The following KCNQ3 variants were observed in gnomAD, a reference collection of about 807,000 sequenced individuals.
KCNQ3 encodes the protein potassium voltage-gated channel subfamily KQT member 3.
In KCNQ3, 30 loss-of-function variants were observed where a neutral mutation model predicts 92.5. The observed-to-expected ratio is 0.32, with a 90% CI of 0.24 to 0.44. The LOEUF (loss-of-function observed/expected upper bound fraction) is 0.44. Ranked by LOEUF, KCNQ3 falls within the 20% of genes least tolerant of loss-of-function variation. The pLI is 1.00. For synonymous variants in KCNQ3, 450 were observed against 468.8 expected, an observed-to-expected ratio of 0.96 and a Z score of 0.52; for missense variants, 913 against 1,140.3, an observed-to-expected ratio of 0.80 and a Z score of 2.87.
intron 1 of KCNQ3, among the ~76,000 whole-genome samples, chr8:132,286,262 C>T (rs1450371947): frequency 6.6e-6 from 1 of 152,202 alleles, no homozygotes; most frequent in Non-Finnish European, 1.5e-5. Flanking sequence ...ACAGCAGCCA[C>T]GTGGACTGCA....
chr8:132,237,008 C>T (rs919508238), intron 1 of KCNQ3, among the ~76,000 whole-genome samples: 3 of 152,044 alleles, frequency 2.0e-5, no homozygotes, highest in Admixed American at 6.6e-5. Flanking sequence ...AAGAGGATGC[C>T]GAGATTGAGG....
intron 1 of KCNQ3, among the ~76,000 whole-genome samples, chr8:132,357,599 C>T (rs1239134106): frequency 1.2e-4 from 18 of 152,260 alleles, no homozygotes; most frequent in Admixed American, 4.6e-4. Context: ...ATGGGATGAG[C>T]GCAGGAGACA....
At chr8:132,417,737 T>C (rs1554653329) in intron 1 of KCNQ3, among the ~76,000 whole-genome samples, 1 of 152,226 alleles carries the variant, frequency 6.6e-6, no homozygotes, top group South Asian at 2.1e-4. Flanking sequence ...GAAGGATATG[T>C]CCGTGAACAA....
At chr8:132,187,662 AGTG>A (rs1227564798) in intron 1 of KCNQ3, among the ~76,000 whole-genome samples, 25 of 140,360 alleles carry the variant, frequency 1.8e-4, no homozygotes, top group Admixed American at 5.5e-4. Flanking sequence ...TTGTGATGAT[AGTG>A]GTGGTGGTGG....
At chr8:132,141,058 A>T (rs1196766417) in intron 10 of KCNQ3, 71 bp downstream of exon 10, 3 of 1,373,692 alleles carry the variant, frequency 2.2e-6, no homozygotes, top group Non-Finnish European at 3.1e-6. Flanking sequence ...GCAAAGGGAG[A>T]GGTGAGGAAG....
At chr8:132,201,207 A>G (rs1341724712) in intron 1 of KCNQ3, among the ~76,000 whole-genome samples, 2 of 152,204 alleles carry the variant, frequency 1.3e-5, no homozygotes, top group Non-Finnish European at 2.9e-5. Flanking sequence ...ACACTGTTGC[A>G]TTGGGGATTA....
intron 8 of KCNQ3, 53 bp downstream of exon 8, chr8:132,170,281 C>T (rs185759046): frequency 8.6e-5 from 112 of 1,305,342 alleles, no homozygotes; most frequent in Middle Eastern, 1.8e-4. Context: ...GAATACAGAC[C>T]GCAGGAGAGA....
At position 132,127,814 on chromosome 8, in the gene KCNQ3, A is replaced by G. The variant is rs1420672377; in HGVS notation, c.*1448T>C. 6.6e-6 allele frequency: 1 copy of G among 152,248 alleles called. No homozygotes were observed. Among genetic ancestry groups the G allele is most frequent in the Non-Finnish European group, 1.5e-5 (1 of 68,042 alleles). The allele number at this position is 152,248 out of a possible 1,614,324, so 9.4% of individuals were successfully genotyped here. A position where few individuals can be genotyped will look rare whatever the true frequency, so the allele number is the denominator to read the frequency against. ...GAGGCCAGAGGATGGCTTGTGCTTA[A>G]TATCACACCTGTACAGTAGGGCAGT... On this transcript the variant is annotated 3_prime_UTR_variant, in exon 15 of 15. Coordinates refer to ENST00000388996, the MANE Select transcript of KCNQ3 (RefSeq NM_004519.4).
At chr8:132,442,486 T>A (rs1279276598) in intron 1 of KCNQ3, among the ~76,000 whole-genome samples, 1 of 152,234 alleles carries the variant, frequency 6.6e-6, no homozygotes, top group Non-Finnish European at 1.5e-5. Context: ...CTGGTTTCCC[T>A]GGTGCCTAGC....
intron 1 of KCNQ3, among the ~76,000 whole-genome samples, chr8:132,354,691 T>C (rs1818970094): frequency 1.3e-5 from 2 of 152,236 alleles, no homozygotes; most frequent in Admixed American, 6.5e-5. Flanking sequence ...CTCTAAGATG[T>C]TCCTACCTTC....
chr8:132,435,370 C>A (rs1024571161), intron 1 of KCNQ3, among the ~76,000 whole-genome samples: 4 of 152,196 alleles, frequency 2.6e-5, no homozygotes, highest in African/African-American at 9.7e-5. Context: ...TGCCAGCCGA[C>A]CAGTTCAGCC....
intron 1 of KCNQ3, among the ~76,000 whole-genome samples, chr8:132,435,592 C>A (rs944687516): frequency 2.0e-5 from 3 of 151,992 alleles, no homozygotes; most frequent in African/African-American, 7.3e-5. Flanking sequence ...AGTAATTAGC[C>A]CAAAATCAAA....
intron 9 of KCNQ3, among the ~76,000 whole-genome samples, chr8:132,155,858 C>G (rs573755125): frequency 3.9e-5 from 6 of 152,244 alleles, no homozygotes; most frequent in African/African-American, 1.4e-4. Context: ...AAGGAGGAAG[C>G]AGGATTGTGA....
chr8:132,441,929 A>G, intron 1 of KCNQ3, among the ~76,000 whole-genome samples: 1 of 152,204 alleles, frequency 6.6e-6, no homozygotes, highest in Non-Finnish European at 1.5e-5. Context: ...TTTCAGGGAC[A>G]TGGATGGAGC....
At chr8:132,355,590 C>T (rs1049110485) in intron 1 of KCNQ3, among the ~76,000 whole-genome samples, 6 of 151,944 alleles carry the variant, frequency 3.9e-5, no homozygotes, top group African/African-American at 9.7e-5. Flanking sequence ...TGGTAGCAAT[C>T]GTGTTTCCAT....
intron 1 of KCNQ3, among the ~76,000 whole-genome samples, chr8:132,252,594 T>C (rs534335222): frequency 6.6e-6 from 1 of 152,324 alleles, no homozygotes; most frequent in African/African-American, 2.4e-5. Context: ...TGCTGCTGGA[T>C]TGGGTGGCCA....
intron 1 of KCNQ3, among the ~76,000 whole-genome samples, chr8:132,425,472 G>A (rs771754907): frequency 2.8e-4 from 42 of 152,172 alleles, no homozygotes; most frequent in Non-Finnish European, 4.9e-4. Context: ...TATGGGAAAT[G>A]CCTAGCACAG....
At chr8:132,302,025 G>A (rs567030719) in intron 1 of KCNQ3, among the ~76,000 whole-genome samples, 1 of 152,194 alleles carries the variant, frequency 6.6e-6, no homozygotes, top group Non-Finnish European at 1.5e-5. Context: ...AAAGGAAGTG[G>A]CACTCGAGTG....
intron 9 of KCNQ3, among the ~76,000 whole-genome samples, chr8:132,144,663 T>C (rs1825399629): frequency 6.6e-6 from 1 of 152,214 alleles, no homozygotes; most frequent in Non-Finnish European, 1.5e-5. Context: ...GGCTCCTCCT[T>C]CAGGTATCAG....
Sources: gnomAD v4.1 joint callset for allele counts (sites outside exome capture counted in the v4.1 genomes callset) on GRCh38, gnomAD v4.1.1 for gene constraint, MANE v1.5 for transcripts, NCBI Gene and HGNC (gene_info 2026-07-23, HGNC 2026-07-21) for gene names.